The following MYO16 variants were observed in gnomAD, a reference collection of about 807,000 sequenced individuals.
The protein encoded by MYO16 is myosin XVI, also known as unconventional myosin-XVI.
In MYO16, 94 loss-of-function variants were observed where a neutral mutation model predicts 205.3. The ratio of observed to expected loss-of-function variants is 0.46; its 90% CI spans 0.39 to 0.54. MYO16 has a LOEUF of 0.54. MYO16 is among the 20% of genes least tolerant of loss of function. The pLI, the probability that MYO16 is intolerant of heterozygous loss-of-function variation, is 0.00. For missense variants in MYO16, 2,315 were observed against 2,387.5 expected, an observed-to-expected ratio of 0.97 and a Z score of 0.63; for synonymous variants, 988 against 954.0, an observed-to-expected ratio of 1.04 and a Z score of -0.66.
chr13:108,666,247 A>T, intron 2 of MYO16, 98 bp downstream of exon 2: 1 of 1,338,232 alleles, frequency 7.5e-7, no homozygotes, highest in Non-Finnish European at 1.0e-6. Flanking sequence ...GGGGCAGAAA[A>T]GTCCTTTTAA....
intron 1 of MYO16, among the ~76,000 whole-genome samples, chr13:108,634,205 C>T (rs1432687842): frequency 6.6e-6 from 1 of 152,158 alleles, no homozygotes; most frequent in African/African-American, 2.4e-5. Flanking sequence ...CTAGAGACCC[C>T]TTCTTCTAAC....
chr13:108,580,640 C>A, the MYO16 span, among the ~76,000 whole-genome samples: 4 of 152,188 alleles, frequency 2.6e-5, no homozygotes, highest in African/African-American at 9.7e-5. Flanking sequence ...ACAAGTAAAA[C>A]TGGCATATCC....
intron 2 of MYO16, among the ~76,000 whole-genome samples, chr13:108,682,971 G>T (rs1882526291): frequency 6.6e-6 from 1 of 152,096 alleles, no homozygotes; most frequent in African/African-American, 2.4e-5. Flanking sequence ...TTTCTAAGAT[G>T]GAGCCACTAA....
intron 2 of MYO16, among the ~76,000 whole-genome samples, chr13:108,682,559 T>C (rs1290994042): frequency 6.6e-6 from 1 of 152,058 alleles, no homozygotes; most frequent in African/African-American, 2.4e-5. Flanking sequence ...ATAAATGCTA[T>C]AGATTAAATA....
intron 2 of MYO16, among the ~76,000 whole-genome samples, chr13:108,697,822 A>G (rs1446785022): frequency 1.3e-5 from 2 of 152,022 alleles, no homozygotes; most frequent in African/African-American, 4.8e-5. Flanking sequence ...TCCAGGGTTC[A>G]AGCAATTCTC....
chr13:108,668,875 G>A (rs1881860240), intron 2 of MYO16, among the ~76,000 whole-genome samples: 1 of 152,024 alleles, frequency 6.6e-6, no homozygotes, highest in East Asian at 1.9e-4. Flanking sequence ...GTGAAATCGG[G>A]ACAGCCAAAA....
chr13:108,631,297 T>C (rs1926516), intron 1 of MYO16, among the ~76,000 whole-genome samples: 6,023 of 152,214 alleles, frequency 0.04, 337 homozygotes, highest in African/African-American at 0.13. Flanking sequence ...CCATGGAGCA[T>C]GGGTGGAAGC....
chr13:108,686,294 C>G (rs1226209537), intron 2 of MYO16, among the ~76,000 whole-genome samples: 2 of 152,180 alleles, frequency 1.3e-5, no homozygotes, highest in Non-Finnish European at 2.9e-5. Flanking sequence ...GCCACTCAGA[C>G]TTTTTGCTAC....
At chr13:109,149,321 C>T (rs1465470719) in intron 32 of MYO16, among the ~76,000 whole-genome samples, 1 of 152,152 alleles carries the variant, frequency 6.6e-6, no homozygotes, top group Non-Finnish European at 1.5e-5. Context: ...AGCACATTGA[C>T]GTCTCCTTTC....
chr13:108,863,053 A>T (rs1338165695), intron 11 of MYO16, among the ~76,000 whole-genome samples: 1 of 152,174 alleles, frequency 6.6e-6, no homozygotes, highest in African/African-American at 2.4e-5. Flanking sequence ...ATTTTTTCAT[A>T]TTCATTTTTT....
chr13:109,129,589 C>G (rs1384569355), intron 31 of MYO16, among the ~76,000 whole-genome samples: 1 of 152,056 alleles, frequency 6.6e-6, no homozygotes, highest in Non-Finnish European at 1.5e-5. Flanking sequence ...CGGCCCATAT[C>G]TCAAAAAGGT....
intron 32 of MYO16, among the ~76,000 whole-genome samples, chr13:109,153,940 TG>T: frequency 6.6e-6 from 1 of 152,298 alleles, no homozygotes; most frequent in South Asian, 2.1e-4. Flanking sequence ...CCCAGTCATT[TG>T]TCCTTCCTGA....
intron 7 of MYO16, among the ~76,000 whole-genome samples, chr13:108,816,530 T>C (rs1170226902): frequency 1.3e-5 from 2 of 152,172 alleles, no homozygotes; most frequent in East Asian, 1.9e-4. Flanking sequence ...AAGCTGTTTT[T>C]CTTGCTGTGC....
intron 4 of MYO16, chr13:108,779,703 G>A (rs776271281): frequency 3.9e-5 from 6 of 152,168 alleles, no homozygotes; most frequent in Admixed American, 6.5e-5. Context: ...AACTCGCCCA[G>A]GGACGTGCGC....
intron 16 of MYO16, among the ~76,000 whole-genome samples, chr13:108,910,910 C>T (rs1463986844): frequency 2.0e-5 from 3 of 152,042 alleles, no homozygotes; most frequent in African/African-American, 7.2e-5. Flanking sequence ...TGTGGATTGA[C>T]TTCAGATACC....
At chr13:109,086,633 G>T (rs1888442272) in intron 27 of MYO16, among the ~76,000 whole-genome samples, 1 of 151,724 alleles carries the variant, frequency 6.6e-6, no homozygotes, top group African/African-American at 2.4e-5. Context: ...TTATCATTTG[G>T]ACCTATCCAT....
chr13:108,853,186 G>C lies in MYO16; in HGVS notation c.1249-2257G>C, dbSNP rs185810213. Among the ~76,000 whole-genome samples, 168 of 152,344 alleles carry C rather than the reference G, an allele frequency of 1.1e-3. 2 individuals carry two copies. The highest frequency in any genetic ancestry group is 2.6e-4 in the Non-Finnish European group (18 of 68,032). The stretch of plus-strand genomic sequence containing the variant: ...GAGCTGTCAGTCTAGGTAGCGCTCG[G>C]TGCCTATGAGACTCCGCAAAGTGGA... On this transcript the variant is annotated intron_variant, in intron 10 of 34. Coordinates refer to ENST00000457511, the MANE Select transcript of MYO16 (RefSeq NM_001198950.3).
intron 2 of MYO16, among the ~76,000 whole-genome samples, chr13:108,684,445 T>C (rs1335417823): frequency 6.6e-6 from 1 of 152,144 alleles, no homozygotes; most frequent in Non-Finnish European, 1.5e-5. Flanking sequence ...AAGATATATA[T>C]CTCTTATTGT....
intron 15 of MYO16, among the ~76,000 whole-genome samples, chr13:108,900,142 T>A (rs890969007): frequency 1.3e-5 from 2 of 152,210 alleles, no homozygotes; most frequent in Non-Finnish European, 2.9e-5. Flanking sequence ...TTTTTCCTCT[T>A]TTTTATTTTT....
Sources: allele counts gnomAD v4.1 joint callset (sites outside exome capture counted in the v4.1 genomes callset), GRCh38; gene constraint gnomAD v4.1.1; transcripts MANE v1.5; gene names NCBI Gene and HGNC (gene_info 2026-07-23, HGNC 2026-07-21).